The following BTD variants were observed in gnomAD, a reference collection of about 807,000 sequenced individuals.
BTD encodes biocytinase.
Under a neutral mutation model 17.7 loss-of-function variants are expected in BTD, and 13 were observed. That is an observed-to-expected ratio of 0.74 (90% confidence interval 0.48 to 1.17). The LOEUF (loss-of-function observed/expected upper bound fraction) is 1.17. BTD is among the 50% of genes most tolerant of loss of function. The pLI is 0.00. For synonymous variants in BTD, 240 were observed against 245.2 expected (o/e 0.98, Z 0.20); for missense variants, 674 against 650.4 (o/e 1.04, Z -0.39).
intron 3 of BTD, chr3:15,686,360 G>A: frequency 3.6e-6 from 5 of 1,379,714 alleles, no homozygotes; most frequent in Non-Finnish European, 5.0e-6. Flanking sequence ...TGATAAAATA[G>A]AAAATGTCCA....
upstream of BTD, chr3:15,601,487 C>T: frequency 6.2e-7 from 1 of 1,611,428 alleles, no homozygotes; most frequent in Non-Finnish European, 8.5e-7. Context: ...GCTCTAAGCA[C>T]TCACGCAGCC....
chr3:15,601,367 G>C (rs762429491), upstream of BTD: 3 of 1,613,898 alleles, frequency 1.9e-6, no homozygotes, highest in African/African-American at 4.0e-5. Context: ...TTTCATTCCA[G>C]GAAGGTCCAT....
At position 15,649,482 on chromosome 3, in the gene BTD, C is replaced by T. The variant is rs2065765639; in HGVS notation, c.*3994C>T. On this transcript the variant is annotated 3_prime_UTR_variant, in exon 4 of 4. Transcript: ENST00000643237. Reference sequence around the variant, plus strand: ...CTGCCACTCTGCTCAATCCAAATCACAGCTCTCCCGTTTCTCACCTCCCAA... The same window carrying T: ...CTGCCACTCTGCTCAATCCAAATCATAGCTCTCCCGTTTCTCACCTCCCAA... Among the ~76,000 whole-genome samples the T allele has an allele frequency of 6.6e-6, 1 of 152,248 alleles. No individual in the cohort carries two copies. Among genetic ancestry groups the T allele is most frequent in the Non-Finnish European group, 1.5e-5 (1 of 68,046 alleles).
chr3:15,705,907 G>A (rs1356085578), intron 3 of BTD, among the ~76,000 whole-genome samples: 1 of 152,104 alleles, frequency 6.6e-6, no homozygotes, highest in African/African-American at 2.4e-5. Flanking sequence ...GCTGAGGCAG[G>A]AGAATTGCTT....
At chr3:15,675,748 G>T in intron 3 of BTD, 1 of 555,360 alleles carries the variant, frequency 1.8e-6, no homozygotes, top group Non-Finnish European at 3.0e-6. Context: ...TATTTCTTTT[G>T]CCCTTATTCC....
At chr3:15,715,620 G>C (rs1204191424), downstream of BTD, among the ~76,000 whole-genome samples, 1 of 152,140 alleles carries the variant, frequency 6.6e-6, no homozygotes, top group African/African-American at 2.4e-5. Flanking sequence ...ACAGGCTCTG[G>C]AGTCAGAATA....
chr3:15,682,780 A>G (rs1323941204), intron 3 of BTD, among the ~76,000 whole-genome samples: 1 of 152,236 alleles, frequency 6.6e-6, no homozygotes, highest in East Asian at 1.9e-4. Context: ...GCCAAATTAT[A>G]AAACGGGCTT....
At chr3:15,696,417 T>C (rs1186871204) in intron 3 of BTD, among the ~76,000 whole-genome samples, 5 of 152,098 alleles carry the variant, frequency 3.3e-5, no homozygotes, top group Non-Finnish European at 7.4e-5. Context: ...TAAAGTATCA[T>C]AAAAATGCAA....
chr3:15,613,110 C>T (rs1480950073), intron 1 of BTD, among the ~76,000 whole-genome samples: 2 of 152,206 alleles, frequency 1.3e-5, no homozygotes, highest in Non-Finnish European at 2.9e-5. Flanking sequence ...ATTTTAACTA[C>T]ATATGTGAAA....
chr3:15,720,671 A>AT (rs2073625648), intron 4 of BTD, among the ~76,000 whole-genome samples: 1 of 151,960 alleles, frequency 6.6e-6, no homozygotes, highest in Non-Finnish European at 1.5e-5. Flanking sequence ...AATTGTTGTG[A>AT]TTTTTTTCAA....
intron 3 of BTD, among the ~76,000 whole-genome samples, chr3:15,672,582 G>A (rs924838643): frequency 6.6e-6 from 1 of 152,182 alleles, no homozygotes; most frequent in Admixed American, 6.5e-5. Context: ...CAAAGTAGCT[G>A]GGGGAGTGCT....
rs1465133808 is a variant in BTD, at chr3:15,644,729, C to A, written c.813C>A (p.Ala271=). The part of the protein sequence containing the change: ...AIEIQKAFAV[A]FGINVLAANV... ...AGATTCAGAAAGCTTTTGCTGTTGC[C>A]TTTGGCATCAACGTTCTGGCAGCTA... The change falls in exon 4 of 4, where the codon GCC becomes GCA. Residue 271 remains alanine, a synonymous_variant. Coordinates refer to ENST00000643237, the MANE Select transcript of BTD (RefSeq NM_001370658.1). 1.2e-6 allele frequency: 2 copies of A among 1,614,188 alleles called. No homozygotes were observed. The highest frequency in any genetic ancestry group is 4.5e-5 in the East Asian group (2 of 44,884).
chr3:15,604,329 G>T (rs115079908), intron 1 of BTD, among the ~76,000 whole-genome samples: 12 of 152,376 alleles, frequency 7.9e-5, no homozygotes, highest in African/African-American at 2.9e-4. Context: ...GGCTTGCACT[G>T]TCTGAAGCCA....
At chr3:15,616,825 C>CTTATT (rs1159802740) in intron 1 of BTD, among the ~76,000 whole-genome samples, 1 of 151,828 alleles carries the variant, frequency 6.6e-6, no homozygotes, top group East Asian at 1.9e-4. Flanking sequence ...AGATCTTTTG[C>CTTATT]TTATTTTATT....
chr3:15,604,663 A>G (rs939926442), intron 1 of BTD, among the ~76,000 whole-genome samples: 5 of 152,182 alleles, frequency 3.3e-5, no homozygotes, highest in African/African-American at 1.2e-4. Context: ...TCAAATTTGT[A>G]TGCTCTGCTT....
Position 15,651,256 on chromosome 3 carries a change from C to T in BTD, c.*5768C>T, listed in dbSNP as rs1219304401. ...GTTGGGCCAAAACAGTAAATGTCCA[C>T]GAGGCTTTTTTCCTCTGAGCAGAAA... On this transcript the variant is annotated 3_prime_UTR_variant, in exon 4 of 4. Coordinates refer to ENST00000643237, the MANE Select transcript of BTD (RefSeq NM_001370658.1). 2.0e-5 allele frequency among the ~76,000 whole-genome samples: 3 copies of T among 152,142 alleles called. No individual in the cohort carries two copies. Among genetic ancestry groups the T allele is most frequent in the South Asian group, 2.1e-4 (1 of 4,828 alleles).
At chr3:15,606,064 A>AAG (rs1200131053) in intron 1 of BTD, among the ~76,000 whole-genome samples, 2 of 151,608 alleles carry the variant, frequency 1.3e-5, no homozygotes, top group African/African-American at 2.4e-5. Context: ...AAAAAAAAAA[A>AAG]AAGATGTGAA....
At chr3:15,606,420 T>G (rs1452789642) in intron 1 of BTD, 1 of 152,220 alleles carries the variant, frequency 6.6e-6, no homozygotes, top group Non-Finnish European at 1.5e-5. Context: ...AGTAATACTG[T>G]TGATTAATTT....
At chr3:15,678,541 A>G (rs534711888) in intron 3 of BTD, among the ~76,000 whole-genome samples, 220 of 152,362 alleles carry the variant, frequency 1.4e-3, no homozygotes, top group Middle Eastern at 3.4e-3. Context: ...TGTACTTTCA[A>G]TAATACAGAA....
Sources: allele counts gnomAD v4.1 joint callset (sites outside exome capture counted in the v4.1 genomes callset), GRCh38; gene constraint gnomAD v4.1.1; transcripts MANE v1.5; gene names NCBI Gene and HGNC (gene_info 2026-07-23, HGNC 2026-07-21).